Variants in SCFD2 observed in about 807,000 individuals in gnomAD.
The protein encoded by SCFD2 is sec1 family domain containing 2, also known as sec1 family domain-containing protein 2.
Under a neutral mutation model 58.9 loss-of-function variants are expected in SCFD2, and 54 were observed. The ratio of observed to expected loss-of-function variants is 0.92; its 90% confidence interval spans 0.74 to 1.15. The LOEUF (loss-of-function observed/expected upper bound fraction) is 1.15. SCFD2 is among the 50% of genes most tolerant of loss of function. The probability of loss-of-function intolerance (pLI) is 0.00; values close to 1 mark genes in which losing one functional copy is unlikely to be tolerated. For missense variants in SCFD2, 805 were observed against 836.6 expected, an observed-to-expected ratio of 0.96 and a Z score of 0.47; for synonymous variants, 321 against 335.9, an observed-to-expected ratio of 0.96 and a Z score of 0.49.
At chr4:53,108,516 T>A (rs1463306275) in intron 5 of SCFD2, among the ~76,000 whole-genome samples, 3 of 151,460 alleles carry the variant, frequency 2.0e-5, no homozygotes, top group African/African-American at 7.3e-5. Context: ...ATAGACACAA[T>A]AAAAATGATA....
chr4:52,951,138 G>A (rs1437543593), intron 5 of SCFD2: 1 of 152,132 alleles, frequency 6.6e-6, no homozygotes, highest in Admixed American at 6.5e-5. Flanking sequence ...ACTCTAAGAG[G>A]TGGCTTTGAT....
intron 4 of SCFD2, among the ~76,000 whole-genome samples, chr4:53,216,689 C>A (rs1227754601): frequency 2.6e-5 from 4 of 152,256 alleles, no homozygotes; most frequent in African/African-American, 9.6e-5. Context: ...CTTCTGCTAG[C>A]TTTTGAATGT....
intron 4 of SCFD2, among the ~76,000 whole-genome samples, chr4:53,263,959 G>A (rs949808761): frequency 5.9e-5 from 9 of 152,148 alleles, no homozygotes; most frequent in Non-Finnish European, 8.8e-5. Flanking sequence ...CTCCTTGGGC[G>A]AGGCTTGCTG....
intron 5 of SCFD2, among the ~76,000 whole-genome samples, chr4:52,999,321 T>G (rs1721813231): frequency 6.6e-6 from 1 of 152,152 alleles, no homozygotes; most frequent in Non-Finnish European, 1.5e-5. Context: ...TCAAAATTAG[T>G]AGACTGTGAA....
intron 2 of SCFD2, among the ~76,000 whole-genome samples, chr4:53,324,332 C>T (rs1406589955): frequency 2.0e-5 from 3 of 148,818 alleles, no homozygotes; most frequent in South Asian, 2.2e-4. Flanking sequence ...ACAAGAGGAT[C>T]GCTTGAGTCC....
In SCFD2 at chr4:52,887,623, A is replaced by G. The variant is rs572982986; in HGVS notation, c.1843-1757T>C. Among the ~76,000 whole-genome samples, 4 of 152,296 alleles carry G rather than the reference A, an allele frequency of 2.6e-5. No homozygotes were observed. In the South Asian group the frequency reaches 8.3e-4, roughly 32 times the overall value. ...CCCAGCCAGAATGGAGCATGCATGG[A>G]GTCCTTGCAGGAAAAAGTCTGCCAG... is the stretch of plus-strand genomic sequence containing the variant. On this transcript the variant is annotated intron_variant, in intron 7 of 8. Coordinates refer to ENST00000401642, the MANE Select transcript of SCFD2 (RefSeq NM_152540.4).
At chr4:53,052,615 A>G (rs28420265) in intron 5 of SCFD2, among the ~76,000 whole-genome samples, 5,438 of 152,300 alleles carry the variant, frequency 0.036, 316 homozygotes, top group African/African-American at 0.12. Flanking sequence ...TTTAGGTAGG[A>G]CAGTGGGGCA....
intron 4 of SCFD2, among the ~76,000 whole-genome samples, chr4:53,221,022 A>C (rs1193670780): frequency 1.3e-5 from 2 of 152,226 alleles, no homozygotes; most frequent in Non-Finnish European, 2.9e-5. Flanking sequence ...GCAGATAAGA[A>C]GGTAATAAGC....
At chr4:52,940,674 T>C (rs1720269998) in intron 5 of SCFD2, among the ~76,000 whole-genome samples, 1 of 152,308 alleles carries the variant, frequency 6.6e-6, no homozygotes, top group African/African-American at 2.4e-5. Flanking sequence ...CCTGTGTCCC[T>C]ATTAAACTGA....
intron 5 of SCFD2, among the ~76,000 whole-genome samples, chr4:53,129,656 T>C (rs1725732121): frequency 6.6e-6 from 1 of 152,224 alleles, no homozygotes; most frequent in Non-Finnish European, 1.5e-5. Context: ...ATTTTGAAAT[T>C]AGAGGATCCT....
chr4:53,047,013 C>T (rs895817287), intron 5 of SCFD2, among the ~76,000 whole-genome samples: 7 of 152,106 alleles, frequency 4.6e-5, no homozygotes, highest in Non-Finnish European at 8.8e-5. Context: ...ATTATTTTCC[C>T]AAGTTTTGAC....
At chr4:53,057,032 A>G (rs1723361516) in intron 5 of SCFD2, among the ~76,000 whole-genome samples, 2 of 152,106 alleles carry the variant, frequency 1.3e-5, no homozygotes, top group Non-Finnish European at 2.9e-5. Flanking sequence ...AAAAAATACA[A>G]AAATTAGCCA....
chr4:53,335,174 G>A lies in SCFD2; in HGVS notation c.1007+17424C>T, dbSNP rs373828608. ...TCATGCCACTGCATACCAGCCTGGC[G>A]ACAGAATGAGACTCCGTCTCAAAAA... is the stretch of plus-strand genomic sequence containing the variant. On this transcript the variant is annotated intron_variant, in intron 2 of 8. Coordinates refer to ENST00000401642, the MANE Select transcript of SCFD2 (RefSeq NM_152540.4). Among the ~76,000 whole-genome samples the A allele has an allele frequency of 8.3e-5, 9 of 109,004 alleles. No individual in the cohort carries two copies. The South Asian group carries it at 2.0e-3, about 24-fold the overall frequency. The allele number at this position is 109,004 out of a possible 152,430, so 71.5% of individuals were successfully genotyped here. A position where few individuals can be genotyped will look rare whatever the true frequency, so the allele number is the denominator to read the frequency against.
intron 5 of SCFD2, chr4:52,955,924 T>G: frequency 2.7e-6 from 1 of 375,794 alleles, no homozygotes; most frequent in African/African-American, 2.1e-5. Context: ...GAATACTTCC[T>G]AAGGACAGAA....
intron 1 of SCFD2, 80 bp from the exon 2 acceptor site, chr4:53,352,846 T>C: frequency 8.3e-7 from 1 of 1,205,052 alleles, no homozygotes; most frequent in Non-Finnish European, 1.2e-6. Context: ...TCACACACCT[T>C]CTATCAAAAA....
At chr4:52,943,681 C>A (rs1456788421) in intron 5 of SCFD2, among the ~76,000 whole-genome samples, 1 of 152,144 alleles carries the variant, frequency 6.6e-6, no homozygotes, top group Admixed American at 6.5e-5. Context: ...CTAATCACAT[C>A]TTAAAGACCC....
At chr4:52,938,386 G>T (rs888959411) in intron 5 of SCFD2, among the ~76,000 whole-genome samples, 7 of 152,124 alleles carry the variant, frequency 4.6e-5, no homozygotes, top group Non-Finnish European at 1.0e-4. Flanking sequence ...ACTATTGCAG[G>T]AAATCAATAA....
chr4:53,111,505 T>C (rs1420626502), intron 5 of SCFD2, among the ~76,000 whole-genome samples: 1 of 152,148 alleles, frequency 6.6e-6, no homozygotes, highest in Non-Finnish European at 1.5e-5. Flanking sequence ...TGTGAAGCTT[T>C]GGTAAAAATT....
At chr4:53,271,248 T>A (rs1313739157) in intron 4 of SCFD2, among the ~76,000 whole-genome samples, 2 of 151,740 alleles carry the variant, frequency 1.3e-5, no homozygotes, top group Non-Finnish European at 2.9e-5. Flanking sequence ...AGGAGACATA[T>A]TCCAGGGTAT....
Sources: gnomAD v4.1 joint callset for allele counts (sites outside exome capture counted in the v4.1 genomes callset) on GRCh38, gnomAD v4.1.1 for gene constraint, MANE v1.5 for transcripts, NCBI Gene and HGNC (gene_info 2026-07-23, HGNC 2026-07-21) for gene names.